The following ME3 variants were observed in gnomAD, a reference collection of about 807,000 sequenced individuals.
ME3 encodes malic enzyme 3.
In ME3, 48 loss-of-function variants were observed where a neutral mutation model predicts 68.9. The ratio of observed to expected loss-of-function variants is 0.70; its 90% CI spans 0.55 to 0.89. The LOEUF (loss-of-function observed/expected upper bound fraction) is 0.89. Among genes scored for constraint, ME3 ranks in the 40% least tolerant of loss-of-function variants. The pLI is 0.00. For missense variants in ME3, 675 were observed against 797.4 expected, an observed-to-expected ratio of 0.85 and a Z score of 1.85; for synonymous variants, 320 against 318.8, an observed-to-expected ratio of 1.00 and a Z score of -0.04.
At chr11:86,664,931 C>G (rs1946499796) in intron 2 of ME3, among the ~76,000 whole-genome samples, 1 of 152,136 alleles carries the variant, frequency 6.6e-6, no homozygotes, top group Admixed American at 6.5e-5. Context: ...TGTAGTGGGC[C>G]TCTGGGCACC....
intron 4 of ME3, among the ~76,000 whole-genome samples, chr11:86,540,972 G>C (rs532705635): frequency 6.6e-6 from 1 of 152,320 alleles, no homozygotes; most frequent in African/African-American, 2.4e-5. Flanking sequence ...TAGACAGTGG[G>C]TGCAGCCCAT....
At chr11:86,600,702 G>A (rs1047444232) in intron 2 of ME3, among the ~76,000 whole-genome samples, 2 of 151,948 alleles carry the variant, frequency 1.3e-5, no homozygotes, top group African/African-American at 4.8e-5. Context: ...ATAGTTGGAA[G>A]TAAAGCTCTC....
At chr11:86,477,464 G>A (rs1050628938) in intron 7 of ME3, among the ~76,000 whole-genome samples, 1 of 136,640 alleles carries the variant, frequency 7.3e-6, no homozygotes, top group Non-Finnish European at 1.7e-5. Flanking sequence ...AAATAATTAA[G>A]AGTTATTATT....
intron 7 of ME3, among the ~76,000 whole-genome samples, chr11:86,467,711 A>G (rs527390414): frequency 2.0e-5 from 3 of 149,990 alleles, no homozygotes; most frequent in African/African-American, 7.4e-5. Flanking sequence ...ACACACACAC[A>G]CCCCTTTAAG....
intron 4 of ME3, among the ~76,000 whole-genome samples, chr11:86,534,503 C>T (rs1261499986): frequency 6.6e-6 from 1 of 152,012 alleles, no homozygotes; most frequent in African/African-American, 2.4e-5. Context: ...GGCAAAACCC[C>T]TCCTCTACTA....
chr11:86,614,522 G>T (rs1256389810), intron 2 of ME3, among the ~76,000 whole-genome samples: 2 of 152,062 alleles, frequency 1.3e-5, no homozygotes, highest in African/African-American at 2.4e-5. Flanking sequence ...GCTCTCAATG[G>T]ATCAAACAGA....
intron 2 of ME3, among the ~76,000 whole-genome samples, chr11:86,609,491 T>C (rs953708078): frequency 6.6e-6 from 1 of 152,204 alleles, no homozygotes; most frequent in Non-Finnish European, 1.5e-5. Flanking sequence ...GAATATTTGC[T>C]AAATGAATCA....
chr11:86,539,725 A>C (rs1050152913), intron 4 of ME3, among the ~76,000 whole-genome samples: 8 of 152,172 alleles, frequency 5.3e-5, no homozygotes, highest in Non-Finnish European at 8.8e-5. Context: ...GAAGCTGCAG[A>C]AGTCCATTTT....
rs559366019 is a variant in ME3, at chr11:86,569,052, G to A, written c.184-9229C>T. On this transcript the variant is annotated intron_variant, in intron 2 of 14. Coordinates refer to ENST00000543262, the Ensembl canonical transcript of ME3. ...TTAGATGAAATAATGCAGGTAACAT[G>A]CTTAGCACAGATATTGGCACATAGG... 2.6e-5 allele frequency among the ~76,000 whole-genome samples: 4 copies of A among 152,336 alleles called. No individual in the cohort carries two copies. The South Asian group carries it at 8.3e-4, about 32-fold the overall frequency.
intron 2 of ME3, among the ~76,000 whole-genome samples, chr11:86,567,234 A>AAAG (rs1957530691): frequency 3.1e-5 from 2 of 63,532 alleles, no homozygotes; most frequent in Admixed American, 1.5e-4. Flanking sequence ...AGAAAGAAAG[A>AAAG]AAAGAAAGAA....
At chr11:86,625,416 A>T (rs948315475) in intron 2 of ME3, among the ~76,000 whole-genome samples, 1 of 152,080 alleles carries the variant, frequency 6.6e-6, no homozygotes, top group Non-Finnish European at 1.5e-5. Flanking sequence ...GCAGTGCCTC[A>T]ATTACATAAT....
At chr11:86,630,556 T>A (rs915551824) in intron 2 of ME3, among the ~76,000 whole-genome samples, 2 of 152,192 alleles carry the variant, frequency 1.3e-5, no homozygotes, top group African/African-American at 2.4e-5. Context: ...AAAGCAACAT[T>A]ATAATTTTAG....
At chr11:86,567,248 AAGGAAGG>A (rs778662093) in intron 2 of ME3, among the ~76,000 whole-genome samples, 17 of 65,870 alleles carry the variant, frequency 2.6e-4, no homozygotes, top group Middle Eastern at 9.8e-3. Flanking sequence ...GAAAGAAAGG[AAGGAAGG>A]AAGGAAGGAA....
intron 6 of ME3, chr11:86,489,252 C>T (rs1951859114): frequency 6.6e-6 from 1 of 152,184 alleles, no homozygotes; most frequent in Admixed American, 6.5e-5. Context: ...AGTCTCACCT[C>T]CACCACAGCG....
intron 10 of ME3, among the ~76,000 whole-genome samples, chr11:86,449,663 G>C (rs1334874459): frequency 6.6e-6 from 1 of 151,542 alleles, no homozygotes; most frequent in Non-Finnish European, 1.5e-5. Flanking sequence ...AGGAAGTGGT[G>C]GGGGACAAGA....
intron 4 of ME3, among the ~76,000 whole-genome samples, chr11:86,518,207 G>T (rs1315438252): frequency 6.6e-6 from 1 of 151,444 alleles, no homozygotes; most frequent in Non-Finnish European, 1.5e-5. Context: ...ATTTAGAGTT[G>T]AAAACACTTG....
At chr11:86,465,195 C>A in exon 8 of ME3, 1 of 1,611,646 alleles carries the variant, frequency 6.2e-7, no homozygotes, top group South Asian at 1.1e-5. Flanking sequence ...GCAATTTATT[C>A]CAAACCTGTG....
chr11:86,588,316 C>A (rs1958856241), intron 2 of ME3, among the ~76,000 whole-genome samples: 1 of 152,168 alleles, frequency 6.6e-6, no homozygotes, highest in African/African-American at 2.4e-5. Context: ...CAAAGTAATA[C>A]AACAAGTAAT....
Position 86,487,324 on chromosome 11 carries a change from C to G in ME3, c.809+13G>C. On this transcript the variant is annotated intron_variant, in intron 7 of 14. Coordinates refer to ENST00000543262, the Ensembl canonical transcript of ME3. ...AAAGTCCTCTTTCAAAAGGGACAGA[C>G]TGGTCCACTTACTTGTCTGTCACAG... 6.2e-7 allele frequency: 1 copy of G among 1,609,238 alleles called. No individual in the cohort carries two copies. Among genetic ancestry groups the G allele is most frequent in the Admixed American group, 1.7e-5 (1 of 60,016 alleles).
Sources: gnomAD v4.1 joint callset for allele counts (sites outside exome capture counted in the v4.1 genomes callset) on GRCh38, gnomAD v4.1.1 for gene constraint, MANE v1.5 for transcripts, NCBI Gene and HGNC (gene_info 2026-07-23, HGNC 2026-07-21) for gene names.